The following NLGN1 variants were observed in gnomAD, a reference collection of about 807,000 sequenced individuals.
NLGN1 encodes the protein neuroligin 1, also known as neuroligin-1.
A neutral mutation model predicts 65.5 loss-of-function variants in NLGN1; 12 were observed. The observed-to-expected ratio is 0.18, with a 90% CI of 0.12 to 0.30. NLGN1 has a LOEUF of 0.30. Ranked by LOEUF, NLGN1 falls within the 10% of genes least tolerant of loss-of-function variation. The pLI, the probability that NLGN1 is intolerant of heterozygous loss-of-function variation, is 1.00. For missense variants in NLGN1, 750 were observed against 1,007.1 expected (o/e 0.74, Z 3.46); for synonymous variants, 350 against 359.5 (o/e 0.97, Z 0.30).
At chr3:173,709,382 A>G (rs1768561003) in intron 3 of NLGN1, among the ~76,000 whole-genome samples, 1 of 152,228 alleles carries the variant, frequency 6.6e-6, no homozygotes, top group Admixed American at 6.5e-5. Context: ...ACCATAACTC[A>G]TTGACAAAAA....
chr3:174,217,681 G>GT (rs1287012476), intron 4 of NLGN1, among the ~76,000 whole-genome samples: 1 of 152,038 alleles, frequency 6.6e-6, no homozygotes, highest in East Asian at 1.9e-4. Context: ...CATAACATGA[G>GT]TGTTAGAGCT....
intron 4 of NLGN1, among the ~76,000 whole-genome samples, chr3:174,271,244 C>A (rs539049730): frequency 1.3e-5 from 2 of 151,882 alleles, no homozygotes; most frequent in South Asian, 4.1e-4. Flanking sequence ...AGTACAGAAT[C>A]ACTGTCATCT....
intron 4 of NLGN1, among the ~76,000 whole-genome samples, chr3:174,057,037 G>C (rs1736284796): frequency 6.6e-6 from 1 of 151,100 alleles, no homozygotes; most frequent in South Asian, 2.1e-4. Flanking sequence ...GTAATTTCAT[G>C]ACAACTCTAC....
At chr3:174,247,528 G>A (rs755919048) in intron 4 of NLGN1, among the ~76,000 whole-genome samples, 4 of 152,152 alleles carry the variant, frequency 2.6e-5, no homozygotes, top group African/African-American at 4.8e-5. Context: ...CCTCTACACC[G>A]TATTCAGACT....
intron 4 of NLGN1, among the ~76,000 whole-genome samples, chr3:174,191,112 A>G (rs1732318050): frequency 6.6e-6 from 1 of 152,108 alleles, no homozygotes; most frequent in Admixed American, 6.6e-5. Flanking sequence ...GACAAGCATT[A>G]TGAAAGGCAT....
Position 174,280,698 on chromosome 3 carries a change from A to G in NLGN1, c.1867A>G (p.Thr623Ala). The change falls in exon 7 of 7, where the codon ACC (threonine) becomes GCC (alanine). Residue 623 changes from threonine to alanine, a missense_variant. Thr to Ala is a moderately conservative substitution (Grantham distance 58). Coordinates refer to ENST00000457714, the Ensembl canonical transcript of NLGN1. This position sits in a 1 kb window ranked among gnomAD's most constrained non-coding sequence, Gnocchi z 4.9. ...TAATCTCAATGACATTTCTCAGTAT[A>G]CCTCTACAACAACTAAAGTGCCATC... The G allele has an allele frequency of 6.2e-7, 1 of 1,613,310 alleles. No individual in the cohort carries two copies. Among genetic ancestry groups the G allele is most frequent in the East Asian group, 2.2e-5 (1 of 44,820 alleles).
intron 4 of NLGN1, among the ~76,000 whole-genome samples, chr3:174,227,591 T>C (rs1739953881): frequency 6.6e-6 from 1 of 152,114 alleles, no homozygotes; most frequent in Non-Finnish European, 1.5e-5. Context: ...AGATGTAGTT[T>C]TCATAACACA....
chr3:173,478,909 AAAAG>A (rs1358197365), intron 2 of NLGN1, among the ~76,000 whole-genome samples: 1 of 150,914 alleles, frequency 6.6e-6, no homozygotes, highest in Non-Finnish European at 1.5e-5. Flanking sequence ...AAAAAAAAGA[AAAAG>A]AAAAAGAAAG....
At chr3:173,458,868 C>G (rs16826686) in intron 2 of NLGN1, among the ~76,000 whole-genome samples, 4,264 of 152,152 alleles carry the variant, frequency 0.028, 206 homozygotes, top group African/African-American at 0.095. Flanking sequence ...AGTTCTAAGT[C>G]TTGTGTCTGC....
At chr3:173,814,834 T>C (rs567738495) in intron 4 of NLGN1, among the ~76,000 whole-genome samples, 1 of 151,196 alleles carries the variant, frequency 6.6e-6, no homozygotes, top group South Asian at 2.1e-4. Flanking sequence ...ATAGTTTACA[T>C]AGATAACGAT....
chr3:173,748,310 C>T (rs1775822165), intron 3 of NLGN1, among the ~76,000 whole-genome samples: 1 of 152,058 alleles, frequency 6.6e-6, no homozygotes, highest in Non-Finnish European at 1.5e-5. Context: ...CTTGTTTGTA[C>T]AGGCAGAACA....
At chr3:173,456,552 C>G (rs907741418) in intron 2 of NLGN1, among the ~76,000 whole-genome samples, 1 of 152,098 alleles carries the variant, frequency 6.6e-6, no homozygotes, top group Middle Eastern at 3.2e-3. Flanking sequence ...AGGAAACATT[C>G]AATGATTGTA....
chr3:173,940,924 C>T (rs1036302527), intron 4 of NLGN1, among the ~76,000 whole-genome samples: 19 of 152,154 alleles, frequency 1.2e-4, no homozygotes, highest in African/African-American at 4.6e-4. Context: ...ATTTAGTGGT[C>T]ACCATTTACT....
chr3:173,396,870 G>A (rs191865624), upstream of NLGN1, among the ~76,000 whole-genome samples: 17 of 152,230 alleles, frequency 1.1e-4, 1 homozygote, highest in Admixed American at 2.0e-4. Context: ...TGGGGGTGGG[G>A]GGTGCTGGAG....
intron 2 of NLGN1, among the ~76,000 whole-genome samples, chr3:173,559,306 C>G (rs1742262187): frequency 6.6e-6 from 1 of 152,218 alleles, no homozygotes; most frequent in Admixed American, 6.5e-5. Context: ...GATCTACATA[C>G]AGTCTACCTA....
chr3:173,985,767 T>C (rs1182763678), intron 4 of NLGN1, among the ~76,000 whole-genome samples: 1 of 151,912 alleles, frequency 6.6e-6, no homozygotes, highest in Non-Finnish European at 1.5e-5. Flanking sequence ...CTGGCCAACA[T>C]GGCAAAACCC....
At chr3:173,743,039 G>C (rs2150115663) in intron 3 of NLGN1, among the ~76,000 whole-genome samples, 1 of 152,186 alleles carries the variant, frequency 6.6e-6, no homozygotes, top group Non-Finnish European at 1.5e-5. Flanking sequence ...GCTACAGAAG[G>C]CCAGTGTAGG....
intron 4 of NLGN1, among the ~76,000 whole-genome samples, chr3:173,820,908 G>A (rs1017366054): frequency 6.6e-6 from 1 of 152,068 alleles, no homozygotes; most frequent in Non-Finnish European, 1.5e-5. Flanking sequence ...AGAAATAAAA[G>A]GAAATTGTTT....
chr3:173,796,981 A>G (rs1011613643), intron 3 of NLGN1, among the ~76,000 whole-genome samples: 1 of 152,176 alleles, frequency 6.6e-6, no homozygotes, highest in Non-Finnish European at 1.5e-5. Context: ...TGATTACATC[A>G]GTTCTAACAG....
Sources: allele counts gnomAD v4.1 joint callset (sites outside exome capture counted in the v4.1 genomes callset), GRCh38; gene constraint gnomAD v4.1.1; non-coding constraint Gnocchi (gnomAD v3.1); transcripts MANE v1.5; gene names NCBI Gene and HGNC (gene_info 2026-07-23, HGNC 2026-07-21).